The following ASCC2 variants were observed in gnomAD, a reference collection of about 807,000 sequenced individuals.
The protein encoded by ASCC2 is activating signal cointegrator 1 complex subunit 2.
A neutral mutation model predicts 93.5 loss-of-function variants in ASCC2; 42 were observed. The ratio of observed to expected loss-of-function variants is 0.45; its 90% CI spans 0.35 to 0.58. ASCC2 has a LOEUF of 0.58. Among genes scored for constraint, ASCC2 ranks in the 20% least tolerant of loss-of-function variants. ASCC2 has a pLI of 0.00. For synonymous variants in ASCC2, 364 were observed against 384.2 expected (o/e 0.95, Z 0.62); for missense variants, 859 against 977.6 (o/e 0.88, Z 1.62).
rs963164138 is a variant in ASCC2 at position 29,803,198 on chromosome 22, C to T, written c.1354-990G>A. ...CCCAGGAGGCAGAGGTTGCAGTAAG[C>T]AGAGATCGCACTATTGCACTCCAGC... On this transcript the variant is annotated intron_variant, in intron 13 of 19. Coordinates refer to ENST00000307790, the MANE Select transcript of ASCC2 (RefSeq NM_032204.5). Among the ~76,000 whole-genome samples the T allele has an allele frequency of 2.7e-5, 4 of 148,308 alleles. No individual in the cohort carries two copies. In the Admixed American group the frequency reaches 2.7e-4, roughly 10 times the overall value.
At chr22:29,817,797 C>A (rs1285600882) in intron 5 of ASCC2, among the ~76,000 whole-genome samples, 1 of 152,094 alleles carries the variant, frequency 6.6e-6, no homozygotes, top group African/African-American at 2.4e-5. Context: ...CTTTTGATCT[C>A]CTAAAGAAAT....
At chr22:29,806,627 C>A (rs1041509455) in intron 10 of ASCC2, 74 bp from the exon 11 acceptor site, 1 of 1,507,516 alleles carries the variant, frequency 6.6e-7, no homozygotes, top group South Asian at 1.2e-5. Flanking sequence ...CACCCGCTGC[C>A]CCTCTTTAAG....
At chr22:29,801,149 G>A in intron 14 of ASCC2, 39 bp from the exon 15 acceptor site, 1 of 1,560,960 alleles carries the variant, frequency 6.4e-7, no homozygotes, top group Non-Finnish European at 8.7e-7. Flanking sequence ...AGGGGGCCCT[G>A]CCAGCTGATG....
At chr22:29,820,091 T>C (rs942834253) in intron 5 of ASCC2, among the ~76,000 whole-genome samples, 1 of 152,064 alleles carries the variant, frequency 6.6e-6, no homozygotes, top group African/African-American at 2.4e-5. Flanking sequence ...GATTAACTGA[T>C]GATCAGGAAA....
Position 29,788,776 on chromosome 22 carries a change from G to A in ASCC2, c.*237C>T. On this transcript the variant is annotated 3_prime_UTR_variant, in exon 20 of 20. Coordinates refer to ENST00000307790, the MANE Select transcript of ASCC2 (RefSeq NM_032204.5). ...TTTCCCGCTAGCGCAGCTGGGGGAA[G>A]GTGCCTGCTTGCCGGCCCCACGGAT... The A allele has an allele frequency of 1.8e-6, 1 of 549,790 alleles. No homozygotes were observed. Among genetic ancestry groups the A allele is most frequent in the Non-Finnish European group, 3.2e-6 (1 of 308,440 alleles). The allele number at this position is 549,790 out of a possible 1,614,324, so 34.1% of individuals were successfully genotyped here.
intron 5 of ASCC2, chr22:29,821,771 G>A: frequency 3.2e-6 from 1 of 314,626 alleles, no homozygotes. Context: ...AAAGCAGGAG[G>A]ATGACTTGAG....
At chr22:29,790,357 C>T in intron 19 of ASCC2, 112 bp downstream of exon 19, 1 of 1,059,504 alleles carries the variant, frequency 9.4e-7, no homozygotes, top group Non-Finnish European at 1.4e-6. Flanking sequence ...GTCGTGAGAA[C>T]TAAATACACG....
intron 5 of ASCC2, among the ~76,000 whole-genome samples, chr22:29,817,470 C>T (rs944837983): frequency 1.3e-5 from 2 of 152,122 alleles, no homozygotes; most frequent in African/African-American, 4.8e-5. Context: ...CCATCCCTGT[C>T]CCCGCCTTCT....
chr22:29,806,163 C>T, intron 12 of ASCC2, 53 bp downstream of exon 12: 1 of 1,581,828 alleles, frequency 6.3e-7, no homozygotes, highest in Non-Finnish European at 8.7e-7. Context: ...CCTGTCTCAC[C>T]TCTGACCTAG....
chr22:29,789,655 G>C (rs376337350), intron 19 of ASCC2, among the ~76,000 whole-genome samples: 2 of 152,226 alleles, frequency 1.3e-5, no homozygotes, highest in Admixed American at 1.3e-4. Flanking sequence ...CCAGAGCTCC[G>C]CACTCAGGGG....
Position 29,789,092 on chromosome 22 carries a change from G to T in ASCC2, c.2195C>A (p.Ala732Asp), listed in dbSNP as rs768041884. ...ETTQERRKKE[A>D]NKATRANHNR... ...GTGGTTGGCTCTTGTCGCCTTGTTG[G>T]CTTCCTTCTTCCTGCGTTCCTGGGT... The change falls in exon 20 of 20, where the codon GCC (alanine) becomes GAC (aspartate). Residue 732 changes from alanine to aspartate, a missense_variant. Ala to Asp is a moderately radical substitution (Grantham distance 126, BLOSUM62 -2). Coordinates refer to ENST00000307790, the MANE Select transcript of ASCC2 (RefSeq NM_032204.5). The T allele has an allele frequency of 2.5e-6, 4 of 1,614,058 alleles. No individual in the cohort carries two copies. In the Admixed American group the frequency reaches 5.0e-5, roughly 20 times the overall value.
Position 29,788,656 on chromosome 22 carries a change from G to C in ASCC2, c.*357C>G, listed in dbSNP as rs376544307. ...TATTAGCAGGACTTTTTGTGTTTTT[G>C]AATATACAGGTTTCCTGCTGTCCAG... On this transcript the variant is annotated 3_prime_UTR_variant, in exon 20 of 20. Coordinates refer to ENST00000307790, the MANE Select transcript of ASCC2 (RefSeq NM_032204.5). 85 of 271,848 alleles carry C rather than the reference G, an allele frequency of 3.1e-4. No homozygotes were observed. Among genetic ancestry groups the C allele is most frequent in the African/African-American group, 1.8e-3 (80 of 45,612 alleles). 16.8% of individuals were successfully genotyped at this position (271,848 alleles called of 1,614,324 possible).
intron 8 of ASCC2, among the ~76,000 whole-genome samples, chr22:29,809,597 T>C (rs1174148892): frequency 6.6e-6 from 1 of 151,882 alleles, no homozygotes; most frequent in African/African-American, 2.4e-5. Flanking sequence ...CTGGCCAACA[T>C]GGGAAACTCT....
Position 29,788,908 on chromosome 22 carries a change from G to A in ASCC2, c.*105C>T, listed in dbSNP as rs1316740179. ...GGGGCTGCAAAGCTGAGGCTGTTGAGGGGTTGAGTTGAACTTGGGGCCCCT... is the reference window on the plus strand; with the variant it reads ...GGGGCTGCAAAGCTGAGGCTGTTGAAGGGTTGAGTTGAACTTGGGGCCCCT... On this transcript the variant is annotated 3_prime_UTR_variant, in exon 20 of 20. Coordinates refer to ENST00000307790, the MANE Select transcript of ASCC2 (RefSeq NM_032204.5). The A allele has an allele frequency of 3.0e-5, 42 of 1,393,104 alleles. No individual in the cohort carries two copies. Among genetic ancestry groups the A allele is most frequent in the Non-Finnish European group, 4.0e-5 (40 of 1,002,162 alleles). The allele number at this position is 1,393,104 out of a possible 1,614,324, so 86.3% of individuals were successfully genotyped here. A position where few individuals can be genotyped will look rare whatever the true frequency, so the allele number is the denominator to read the frequency against.
chr22:29,800,940 T>C, intron 15 of ASCC2, 51 bp downstream of exon 15: 1 of 1,540,530 alleles, frequency 6.5e-7, no homozygotes, highest in Non-Finnish European at 8.8e-7. Context: ...CTGTGTCCTC[T>C]CTGCACTTCC....
intron 5 of ASCC2, among the ~76,000 whole-genome samples, chr22:29,821,727 G>A (rs2061574897): frequency 6.6e-6 from 1 of 152,168 alleles, no homozygotes; most frequent in Non-Finnish European, 1.5e-5. Context: ...GCAGAATGGT[G>A]GCTTACACTG....
rs138577844 is a variant in ASCC2, at chr22:29,808,170, G to A, written c.849C>T (p.Tyr283=). The A allele has an allele frequency of 2.7e-5, 44 of 1,614,182 alleles. No homozygotes were observed. Among genetic ancestry groups the A allele is most frequent in the Middle Eastern group, 1.7e-4 (1 of 6,060 alleles). The change falls in exon 9 of 20, where the codon TAC becomes TAT. Residue 283 remains tyrosine, a synonymous_variant. Coordinates refer to ENST00000307790, the MANE Select transcript of ASCC2 (RefSeq NM_032204.5). ...HDFCYRLASF[Y]EAAIPEMESA... ...ACTCCATTTCGGGAATTGCTGCTTC[G>A]TAGAAGGAAGCTAGTCTGTGCAGGC...
intron 2 of ASCC2, chr22:29,826,033 T>C (rs2062259557): frequency 2.5e-6 from 1 of 392,664 alleles, no homozygotes; most frequent in Middle Eastern, 6.6e-4. Flanking sequence ...GAAAGCAGGA[T>C]ACAAAACTCT....
chr22:29,792,393 C>T, intron 18 of ASCC2, 40 bp downstream of exon 18: 5 of 1,610,918 alleles, frequency 3.1e-6, no homozygotes, highest in East Asian at 2.2e-5. Flanking sequence ...CCCCTCAGAA[C>T]TGCACTCTCC....
Sources: gnomAD v4.1 joint callset for allele counts (sites outside exome capture counted in the v4.1 genomes callset) on GRCh38, gnomAD v4.1.1 for gene constraint, MANE v1.5 for transcripts, NCBI Gene and HGNC (gene_info 2026-07-23, HGNC 2026-07-21) for gene names.